The following RAP1GDS1 variants were observed in gnomAD, a reference collection of about 807,000 sequenced individuals.
The protein encoded by RAP1GDS1 is Rap1 GTPase-GDP dissociation stimulator 1, also known as RAP1, GTP-GDP dissociation stimulator 1.
A neutral mutation model predicts 71.1 loss-of-function variants in RAP1GDS1; 35 were observed. The ratio of observed to expected loss-of-function variants is 0.49; its 90% CI spans 0.38 to 0.65. RAP1GDS1 has a LOEUF of 0.65. Among genes scored for constraint, RAP1GDS1 ranks in the 30% least tolerant of loss-of-function variants. RAP1GDS1 has a pLI of 0.00. For missense variants in RAP1GDS1, 663 were observed against 706.1 expected (o/e 0.94, Z 0.69); for synonymous variants, 229 against 243.1 (o/e 0.94, Z 0.54).
chr4:98,274,923 T>C (rs1723984074), intron 1 of RAP1GDS1, among the ~76,000 whole-genome samples: 1 of 152,116 alleles, frequency 6.6e-6, no homozygotes, highest in Non-Finnish European at 1.5e-5. Flanking sequence ...CATTGGTGGC[T>C]ACAGCCAAAT....
chr4:98,277,905 A>G (rs1397294630), intron 1 of RAP1GDS1, among the ~76,000 whole-genome samples: 33 of 152,242 alleles, frequency 2.2e-4, no homozygotes, highest in Non-Finnish European at 4.4e-5. Flanking sequence ...ATTGGAATTA[A>G]CTGTTAACAC....
chr4:98,316,595 A>G (rs1730975281), intron 2 of RAP1GDS1, among the ~76,000 whole-genome samples: 1 of 152,100 alleles, frequency 6.6e-6, no homozygotes, highest in Non-Finnish European at 1.5e-5. Context: ...TTGTGGTACT[A>G]ATGATGAGAA....
intron 6 of RAP1GDS1, 57 bp from the exon 7 acceptor site, chr4:98,404,420 A>C: frequency 6.8e-7 from 1 of 1,470,316 alleles, no homozygotes; most frequent in East Asian, 2.4e-5. Flanking sequence ...TATTGAAAGT[A>C]TTAGAAAACA....
intron 1 of RAP1GDS1, among the ~76,000 whole-genome samples, chr4:98,292,405 A>G (rs1010878346): frequency 1.3e-5 from 2 of 152,082 alleles, no homozygotes; most frequent in Non-Finnish European, 2.9e-5. Flanking sequence ...AAGTGATGGG[A>G]TTACAGGCAT....
intron 12 of RAP1GDS1, among the ~76,000 whole-genome samples, chr4:98,422,131 C>T (rs1182413485): frequency 6.6e-6 from 1 of 151,762 alleles, no homozygotes; most frequent in African/African-American, 2.4e-5. Context: ...ACCCGGGAGG[C>T]GGAGCTTGCA....
intron 4 of RAP1GDS1, among the ~76,000 whole-genome samples, chr4:98,374,400 T>C (rs1349267462): frequency 2.6e-5 from 4 of 152,208 alleles, no homozygotes; most frequent in Admixed American, 6.5e-5. Flanking sequence ...ATGGATATTA[T>C]TCAGTTTTTC....
chr4:98,441,538 G>C (rs775237044), intron 14 of RAP1GDS1: 5 of 983,072 alleles, frequency 5.1e-6, no homozygotes, highest in Admixed American at 6.1e-5. Context: ...ACAGTGAGCT[G>C]TGTTTAATTA....
intron 4 of RAP1GDS1, among the ~76,000 whole-genome samples, chr4:98,377,037 T>A (rs1253823942): frequency 6.6e-6 from 1 of 151,998 alleles, no homozygotes; most frequent in Non-Finnish European, 1.5e-5. Flanking sequence ...TCATTCACAG[T>A]TCATTGCAAA....
chr4:98,352,335 A>T (rs1328404862), intron 3 of RAP1GDS1, 141 bp from the exon 4 acceptor site: 20 of 823,844 alleles, frequency 2.4e-5, no homozygotes, highest in Non-Finnish European at 3.5e-5. Flanking sequence ...ACAGAAATGT[A>T]CTCTTCAAAT....
At chr4:98,375,555 C>T (rs979687374) in intron 4 of RAP1GDS1, among the ~76,000 whole-genome samples, 1 of 152,094 alleles carries the variant, frequency 6.6e-6, no homozygotes, top group Non-Finnish European at 1.5e-5. Flanking sequence ...AAAAGCCAGG[C>T]TAAGAATACA....
chr4:98,364,712 G>A (rs1201365906), intron 4 of RAP1GDS1, among the ~76,000 whole-genome samples: 2 of 151,536 alleles, frequency 1.3e-5, no homozygotes, highest in Non-Finnish European at 2.9e-5. Context: ...AAGTATAAAA[G>A]CTTTATTTAA....
intron 4 of RAP1GDS1, among the ~76,000 whole-genome samples, chr4:98,366,272 A>G (rs898688778): frequency 6.6e-6 from 1 of 152,126 alleles, no homozygotes. Context: ...GTTTTCGTGC[A>G]CAAGCTCTCT....
intron 2 of RAP1GDS1, among the ~76,000 whole-genome samples, chr4:98,330,218 T>A (rs1733748156): frequency 6.6e-6 from 1 of 152,252 alleles, no homozygotes; most frequent in Non-Finnish European, 1.5e-5. Flanking sequence ...TATGTCTACT[T>A]CTTTCTACAC....
rs184847866 is a variant in RAP1GDS1 at position 98,400,823 on chromosome 4, A to G, written c.638-3654A>G. On this transcript the variant is annotated intron_variant, in intron 6 of 14. Coordinates refer to ENST00000408927, the MANE Select transcript of RAP1GDS1 (RefSeq NM_001100427.2). ...TGTAACACCACAGTGTACCCCATAT[A>G]CAATTATTATTTGTCAAATAATTAC... Among the ~76,000 whole-genome samples, 241 of 152,306 alleles carry G rather than the reference A, an allele frequency of 1.6e-3. 1 individual carries two copies. Among genetic ancestry groups the G allele is most frequent in the Admixed American group, 4.1e-3 (63 of 15,288 alleles).
chr4:98,291,464 A>G (rs1454369994), intron 1 of RAP1GDS1, among the ~76,000 whole-genome samples: 1 of 152,110 alleles, frequency 6.6e-6, no homozygotes. Context: ...ATTACACAAA[A>G]AGTAATTTGG....
chr4:98,352,624 T>C (rs1737384660), intron 4 of RAP1GDS1, 23 bp downstream of exon 4: 1 of 1,608,232 alleles, frequency 6.2e-7, no homozygotes, highest in Non-Finnish European at 8.5e-7. Context: ...ATCTCAATAA[T>C]ACACATACAT....
chr4:98,369,553 A>G lies in RAP1GDS1; in HGVS notation c.362-9464A>G, dbSNP rs1175015994. Among the ~76,000 whole-genome samples, 10 of 152,260 alleles carry G rather than the reference A, an allele frequency of 6.6e-5. 1 individual carries two copies. Among genetic ancestry groups the G allele is most frequent in the Admixed American group, 4.6e-4 (7 of 15,294 alleles). On this transcript the variant is annotated intron_variant, in intron 4 of 14. Transcript: ENST00000408927. ...TAGCAATGAAAAAATACTTCTATAC[A>G]TGATGACATGGATGAATCTCAAAAT...
At chr4:98,424,787 CAAAG>C (rs755229447) in intron 12 of RAP1GDS1, among the ~76,000 whole-genome samples, 9,526 of 138,606 alleles carry the variant, frequency 0.069, 355 homozygotes, top group Admixed American at 0.13. Flanking sequence ...AAAAAAAAAA[CAAAG>C]AAAACTTTTG....
intron 4 of RAP1GDS1, among the ~76,000 whole-genome samples, chr4:98,366,984 G>T (rs533595862): frequency 1.3e-5 from 2 of 152,166 alleles, no homozygotes; most frequent in South Asian, 2.1e-4. Context: ...AGAAATCTGC[G>T]TAAGGAGGAA....
Sources: gnomAD v4.1 joint callset for allele counts (sites outside exome capture counted in the v4.1 genomes callset) on GRCh38, gnomAD v4.1.1 for gene constraint, MANE v1.5 for transcripts, NCBI Gene and HGNC (gene_info 2026-07-23, HGNC 2026-07-21) for gene names.